Variants in RBFOX1 observed in about 807,000 individuals in gnomAD.
The protein encoded by RBFOX1 is RNA binding fox-1 homolog 1.
RBFOX1 carries 8 observed loss-of-function variants against 57.7 expected under a neutral mutation model. That is an observed-to-expected ratio of 0.14 (90% confidence interval 0.08 to 0.25). The LOEUF is 0.25. RBFOX1 is among the 10% of genes least tolerant of loss of function. RBFOX1 has a pLI of 1.00. For missense variants in RBFOX1, 611 were observed against 548.5 expected (o/e 1.11, Z -1.14); for synonymous variants, 326 against 222.4 (o/e 1.47, Z -4.15).
At chr16:6,656,170 C>A (rs2098649897) in intron 3 of RBFOX1, among the ~76,000 whole-genome samples, 1 of 152,164 alleles carries the variant, frequency 6.6e-6, no homozygotes, top group Non-Finnish European at 1.5e-5. Flanking sequence ...AAGTCTTCTA[C>A]CAATGTTCTG....
intron 1 of RBFOX1, among the ~76,000 whole-genome samples, chr16:5,429,989 G>A (rs959840493): frequency 6.6e-6 from 1 of 152,194 alleles, no homozygotes; most frequent in African/African-American, 2.4e-5. Context: ...GAGGCAGAGA[G>A]GAGGCTGTTA....
chr16:5,459,714 C>T (rs1020508673), intron 1 of RBFOX1, among the ~76,000 whole-genome samples: 10 of 152,142 alleles, frequency 6.6e-5, no homozygotes, highest in Non-Finnish European at 1.5e-4. Flanking sequence ...ACTCACAGCA[C>T]ACATACACAC....
intron 1 of RBFOX1, among the ~76,000 whole-genome samples, chr16:5,375,659 C>T (rs1460118756): frequency 1.3e-5 from 2 of 152,158 alleles, no homozygotes; most frequent in Non-Finnish European, 2.9e-5. Flanking sequence ...TATGAAGCAC[C>T]AACTATGTGC....
intron 3 of RBFOX1, among the ~76,000 whole-genome samples, chr16:5,711,363 A>G (rs770691058): frequency 6.6e-6 from 1 of 152,212 alleles, no homozygotes; most frequent in South Asian, 2.1e-4. Context: ...CAAAGCTTAG[A>G]TCTATAACCA....
At chr16:7,291,738 T>TCATG (rs2095779794) in intron 4 of RBFOX1, among the ~76,000 whole-genome samples, 1 of 151,814 alleles carries the variant, frequency 6.6e-6, no homozygotes, top group Non-Finnish European at 1.5e-5. Context: ...AGATGCAGCC[T>TCATG]GTGAGGAGAG....
chr16:7,646,545 G>A (rs2063775799), intron 11 of RBFOX1, among the ~76,000 whole-genome samples: 1 of 152,350 alleles, frequency 6.6e-6, no homozygotes, highest in East Asian at 1.9e-4. Flanking sequence ...AGGAGGAGCA[G>A]GACAAAGAGA....
chr16:7,522,304 G>C (rs1187415295), intron 5 of RBFOX1, among the ~76,000 whole-genome samples: 5 of 152,204 alleles, frequency 3.3e-5, no homozygotes, highest in Non-Finnish European at 7.3e-5. Flanking sequence ...GAACATTGGA[G>C]AGCTCACGGG....
At chr16:6,445,391 C>G (rs1476948710) in intron 2 of RBFOX1, among the ~76,000 whole-genome samples, 1 of 151,880 alleles carries the variant, frequency 6.6e-6, no homozygotes, top group African/African-American at 2.4e-5. Flanking sequence ...CTTTATGCAT[C>G]TAAAGCTCAG....
intron 4 of RBFOX1, among the ~76,000 whole-genome samples, chr16:7,263,568 A>G (rs2095008166): frequency 6.6e-6 from 1 of 152,218 alleles, no homozygotes; most frequent in Non-Finnish European, 1.5e-5. Context: ...CCACAGCTCC[A>G]TAATAAAAGG....
At position 5,947,257 on chromosome 16, in the gene RBFOX1, A is replaced by G. The variant is rs1404464955; in HGVS notation, c.351+79922A>G. ...AGAAGAAAGGCTACTAAGGCTGGAG[A>G]GCACAGTGGGTAAGGAGGAGGTGGC... is the stretch of plus-strand genomic sequence containing the variant. On this transcript the variant is annotated intron_variant, in intron 4 of 19. Transcript: ENST00000641259. This position sits in a 1 kb window ranked among gnomAD's most constrained non-coding sequence, Gnocchi z 7.2. Among the ~76,000 whole-genome samples the G allele has an allele frequency of 6.6e-6, 1 of 152,114 alleles. No homozygotes were observed. Among genetic ancestry groups the G allele is most frequent in the Admixed American group, 6.6e-5 (1 of 15,266 alleles).
At chr16:5,717,287 C>T (rs1409278809) in intron 3 of RBFOX1, among the ~76,000 whole-genome samples, 2 of 152,032 alleles carry the variant, frequency 1.3e-5, no homozygotes, top group East Asian at 1.9e-4. Context: ...TTTGCACTTC[C>T]ACTTCCACTT....
At chr16:5,963,687 G>A (rs1315456328) in intron 4 of RBFOX1, among the ~76,000 whole-genome samples, 2 of 152,074 alleles carry the variant, frequency 1.3e-5, no homozygotes, top group Non-Finnish European at 2.9e-5. Context: ...AATGTTAATG[G>A]GACAACTGGA....
In RBFOX1 at chr16:7,487,514, G is replaced by A. The variant is rs375247402; in HGVS notation, c.28-30633G>A. On this transcript the variant is annotated intron_variant, in intron 4 of 15. Transcript: ENST00000550418. ...CTAAATATTAGTTGAGTAAATGCAT[G>A]AATGGATGAACATTCCTTAAAGTGG... is the stretch of plus-strand genomic sequence containing the variant. Among the ~76,000 whole-genome samples the A allele has an allele frequency of 7.2e-5, 11 of 152,296 alleles. No individual in the cohort carries two copies. The East Asian group carries it at 1.9e-3, about 27-fold the overall frequency.
At chr16:7,066,094 T>C (rs1342414635) in intron 4 of RBFOX1, among the ~76,000 whole-genome samples, 1 of 152,206 alleles carries the variant, frequency 6.6e-6, no homozygotes, top group Admixed American at 6.5e-5. Flanking sequence ...TTTGATAGTA[T>C]TTGCATGAGA....
chr16:6,308,908 C>G (rs1409266555), intron 1 of RBFOX1, among the ~76,000 whole-genome samples: 1 of 152,080 alleles, frequency 6.6e-6, no homozygotes, highest in Non-Finnish European at 1.5e-5. Flanking sequence ...ACTTTTTAAA[C>G]TCTACAGCAC....
intron 3 of RBFOX1, among the ~76,000 whole-genome samples, chr16:6,920,378 A>G (rs565689890): frequency 7.9e-5 from 12 of 152,272 alleles, no homozygotes; most frequent in African/African-American, 2.2e-4. Flanking sequence ...TCTCTTCTGC[A>G]TGAAACCAGA....
chr16:6,681,758 C>G (rs532856694), intron 3 of RBFOX1, among the ~76,000 whole-genome samples: 1 of 151,930 alleles, frequency 6.6e-6, no homozygotes, highest in Admixed American at 6.6e-5. Context: ...ATAGACATAA[C>G]CACTCTCTGT....
intron 3 of RBFOX1, among the ~76,000 whole-genome samples, chr16:6,995,808 A>G (rs867917817): frequency 8.5e-5 from 13 of 152,092 alleles, no homozygotes; most frequent in African/African-American, 3.1e-4. Context: ...TTTGAGGTAA[A>G]AGCTAGAGGT....
At position 7,251,042 on chromosome 16, in the gene RBFOX1, A is replaced by G. The variant is rs75171272; in HGVS notation, c.27+198944A>G. On this transcript the variant is annotated intron_variant, in intron 4 of 15. Coordinates refer to ENST00000550418, the MANE Select transcript of RBFOX1 (RefSeq NM_018723.4). ...ACACTTAAAATCTACTCTTCCAGTGATTTTCAAGAACATGATACATGTCAT... is the reference window on the plus strand; with the variant it reads ...ACACTTAAAATCTACTCTTCCAGTGGTTTTCAAGAACATGATACATGTCAT... Among the ~76,000 whole-genome samples, 97 of 152,216 alleles carry G rather than the reference A, an allele frequency of 6.4e-4. No homozygotes were observed. The East Asian group carries it at 0.016, about 25-fold the overall frequency.
Sources: gnomAD v4.1 joint callset for allele counts (sites outside exome capture counted in the v4.1 genomes callset) on GRCh38, gnomAD v4.1.1 for gene constraint, Gnocchi (gnomAD v3.1) non-coding constraint, MANE v1.5 for transcripts, NCBI Gene and HGNC (gene_info 2026-07-23, HGNC 2026-07-21) for gene names.